The following CCDC33 variants were observed in gnomAD, a reference collection of about 807,000 sequenced individuals.
The protein encoded by CCDC33 is coiled-coil domain containing 33, also known as coiled-coil domain-containing protein 33.
A neutral mutation model predicts 91.9 loss-of-function variants in CCDC33; 94 were observed. That is an observed-to-expected ratio of 1.02 (90% confidence interval 0.87 to 1.21). The LOEUF is 1.21. CCDC33 is among the 50% of genes most tolerant of loss of function. CCDC33 has a pLI of 0.00. For synonymous variants in CCDC33, 396 were observed against 374.5 expected (o/e 1.06, Z -0.66); for missense variants, 940 against 935.5 (o/e 1.00, Z -0.06).
In CCDC33 at chr15:74,281,817, G is replaced by A. The variant is rs373900085; in HGVS notation, c.1063G>A (p.Val355Met). 2.4e-5 allele frequency: 39 copies of A among 1,614,098 alleles called. No individual in the cohort carries two copies. In the East Asian group the frequency reaches 4.2e-4, roughly 18 times the overall value. ...AACTATCAATGATGAGGCCCCCACA[G>A]TGGCTCTCTCCTTCCAGCTGCTTTC... ...LKTINDEAPTVALSFQLLSSE... is the reference protein window; with the variant it reads ...LKTINDEAPTMALSFQLLSSE... The change falls in exon 10 of 19, where the codon GTG becomes ATG. Residue 355 changes from valine to methionine, a missense_variant. Transcript: ENST00000398814.
At chr15:74,206,150 G>C (rs1198354975) in intron 1 of CCDC33, among the ~76,000 whole-genome samples, 1 of 152,198 alleles carries the variant, frequency 6.6e-6, no homozygotes, top group Non-Finnish European at 1.5e-5. Flanking sequence ...GTAACCAGTT[G>C]TAACAAGAAG....
Position 74,244,283 on chromosome 15 carries a change from G to A in CCDC33, c.185+135G>A. ...ATACCCAGAGGGGAGGAGCTGCTGT[G>A]GGCACTACCTGGCATCTCCGCTGCT... On this transcript the variant is annotated intron_variant, in intron 2 of 18. Coordinates refer to ENST00000398814, the MANE Select transcript of CCDC33 (RefSeq NM_025055.5). This position sits in a 1 kb window ranked among gnomAD's most constrained non-coding sequence, Gnocchi z 4.2. The A allele has an allele frequency of 8.5e-7, 1 of 1,176,476 alleles. No homozygotes were observed. Among genetic ancestry groups the A allele is most frequent in the Non-Finnish European group, 1.2e-6 (1 of 862,548 alleles). The allele number at this position is 1,176,476 out of a possible 1,614,324, so 72.9% of individuals were successfully genotyped here.
chr15:74,260,846 A>G (rs2076004342), intron 2 of CCDC33, among the ~76,000 whole-genome samples: 1 of 152,214 alleles, frequency 6.6e-6, no homozygotes, highest in South Asian at 2.1e-4. Context: ...CTATGGGGTA[A>G]TAACAGGAAT....
In CCDC33 at chr15:74,332,837, G is replaced by T; in HGVS notation, c.1930G>T (p.Ala644Ser). The change falls in exon 16 of 19, where the codon GCC (alanine) becomes TCC (serine). Residue 644 changes from alanine to serine, a missense_variant. Transcript: ENST00000398814. The part of the protein sequence containing the change: ...QQAPIILQQQ[A>S]LPDLLSGTSD... ...GGCCCCCATCATTCTGCAGCAACAG[G>T]CCCTGCCGGTAAGAGGCCCTTGACC... 1 of 1,613,622 alleles carries T rather than the reference G, an allele frequency of 6.2e-7. No individual in the cohort carries two copies.
At position 74,286,741 on chromosome 15, in the gene CCDC33, A is replaced by G. The variant is rs140143079; in HGVS notation, c.1095+4892A>G. On this transcript the variant is annotated intron_variant, in intron 10 of 18. Transcript: ENST00000398814. ...AGTAGGGCCTCTCAGATGGGTGGCC[A>G]CACCCTCCTCAGCCCACAGCCCACA... 7.1e-3 allele frequency among the ~76,000 whole-genome samples: 1,080 copies of G among 152,192 alleles called. 14 individuals carry two copies. The highest frequency in any genetic ancestry group is 0.025 in the African/African-American group (1,032 of 41,516).
chr15:74,305,447 C>T (rs1048455163), intron 11 of CCDC33, among the ~76,000 whole-genome samples: 2 of 152,114 alleles, frequency 1.3e-5, no homozygotes, highest in African/African-American at 4.8e-5. Flanking sequence ...TAGAGAAAGC[C>T]CCCCAGCCTA....
intron 8 of CCDC33, 47 bp from the exon 9 acceptor site, chr15:74,280,621 C>T (rs774051188): frequency 5.6e-6 from 8 of 1,429,606 alleles, no homozygotes; most frequent in Non-Finnish European, 4.6e-6. Context: ...AGGATGGGGC[C>T]GAGGTGGGGG....
intron 2 of CCDC33, among the ~76,000 whole-genome samples, chr15:74,257,901 G>C (rs1244654417): frequency 2.0e-5 from 3 of 152,232 alleles, no homozygotes; most frequent in African/African-American, 7.2e-5. Flanking sequence ...GGCAGGCCTA[G>C]CCTATGGCCT....
At chr15:74,294,954 G>C (rs1286080382) in intron 10 of CCDC33, among the ~76,000 whole-genome samples, 1 of 152,168 alleles carries the variant, frequency 6.6e-6, no homozygotes, top group Non-Finnish European at 1.5e-5. Flanking sequence ...TGCCAAGGGA[G>C]AAGGAGGAGA....
Position 74,331,282 on chromosome 15 carries a change from G to A in CCDC33, c.1757G>A (p.Gly586Glu). 1 of 1,614,012 alleles carries A rather than the reference G, an allele frequency of 6.2e-7. No homozygotes were observed. Among genetic ancestry groups the A allele is most frequent in the African/African-American group, 1.3e-5 (1 of 75,040 alleles). ...CCCCCTCCTCTGAACAGGCAGCAGG[G>A]AAAGCCCTACACGGGTGGGTCCACA... ...SKPPPLNRQQ[G>E]KPYTGFPMLS... The change falls in exon 15 of 19, where the codon GGA (glycine) becomes GAA (glutamate). Residue 586 changes from glycine to glutamate, a missense_variant. Transcript: ENST00000398814.
chr15:74,320,842 G>A (rs1399078980), intron 11 of CCDC33, among the ~76,000 whole-genome samples: 1 of 152,122 alleles, frequency 6.6e-6, no homozygotes, highest in East Asian at 1.9e-4. Flanking sequence ...CCTGCCCTCT[G>A]GTGGTGATGA....
chr15:74,261,306 AG>A (rs1252416756), intron 2 of CCDC33, among the ~76,000 whole-genome samples: 7 of 152,212 alleles, frequency 4.6e-5, no homozygotes. Flanking sequence ...TTAAGTCTAA[AG>A]GGCAGAGGGA....
At chr15:74,224,948 T>C (rs1272858005) in intron 2 of CCDC33, among the ~76,000 whole-genome samples, 1 of 152,166 alleles carries the variant, frequency 6.6e-6, no homozygotes, top group South Asian at 2.1e-4. Context: ...GGGCCCAGAT[T>C]CCAGGTTGCA....
Position 74,208,637 on chromosome 15 carries a change from T to C in CCDC33, n.90-751T>C, listed in dbSNP as rs989916273. Among the ~76,000 whole-genome samples the C allele has an allele frequency of 3.0e-4, 45 of 152,018 alleles. 2 individuals carry two copies. Among genetic ancestry groups the C allele is most frequent in the Admixed American group, 2.6e-3 (39 of 15,264 alleles). ...CCCTGAGGGCAGCCCACCCCAGGTCTCCAAACTTACTCATCAGAATTGCTC... is the reference window on the plus strand; with the variant it reads ...CCCTGAGGGCAGCCCACCCCAGGTCCCCAAACTTACTCATCAGAATTGCTC... On this transcript the variant is annotated intron_variant and non_coding_transcript_variant, in intron 1 of 3. Transcript: ENST00000558645.
chr15:74,254,550 C>T (rs2075802151), intron 2 of CCDC33, among the ~76,000 whole-genome samples: 1 of 152,166 alleles, frequency 6.6e-6, no homozygotes, highest in African/African-American at 2.4e-5. Context: ...GCTGTGCATC[C>T]TCCACACATG....
chr15:74,335,433 C>T lies in CCDC33; in HGVS notation c.2139+345C>T, dbSNP rs2060545746. 3 of 541,452 alleles carry T rather than the reference C, an allele frequency of 5.5e-6. No individual in the cohort carries two copies. The South Asian group carries it at 7.2e-5, about 13-fold the overall frequency. The allele number at this position is 541,452 out of a possible 1,614,324, so 33.5% of individuals were successfully genotyped here. A position where few individuals can be genotyped will look rare whatever the true frequency, so the allele number is the denominator to read the frequency against. The stretch of plus-strand genomic sequence containing the variant: ...CTGGCTGCGCTCATGGGCAGAGTAG[C>T]TTGTGGCCCTACCCCCCTGAATCCA... On this transcript the variant is annotated intron_variant, in intron 18 of 18. Coordinates refer to ENST00000398814, the MANE Select transcript of CCDC33 (RefSeq NM_025055.5).
chr15:74,228,830 C>T (rs1358835621), intron 2 of CCDC33, among the ~76,000 whole-genome samples: 2 of 152,224 alleles, frequency 1.3e-5, no homozygotes, highest in Admixed American at 6.5e-5. Flanking sequence ...TGCATTAATA[C>T]GCTGCAAATG....
chr15:74,243,790 C>A, intron 1 of CCDC33, 195 bp from the exon 2 acceptor site: 1 of 656,018 alleles, frequency 1.5e-6, no homozygotes, highest in Non-Finnish European at 2.8e-6. Context: ...ACTAAAAATA[C>A]AAAAATTAGT....
chr15:74,334,850 C>G, intron 17 of CCDC33, 125 bp from the exon 18 acceptor site: 1 of 825,988 alleles, frequency 1.2e-6, no homozygotes, highest in Non-Finnish European at 2.0e-6. Flanking sequence ...GGGAAGGTGT[C>G]AAGCCCACAT....
Sources: allele counts gnomAD v4.1 joint callset (sites outside exome capture counted in the v4.1 genomes callset), GRCh38; gene constraint gnomAD v4.1.1; non-coding constraint Gnocchi (gnomAD v3.1); transcripts MANE v1.5; gene names NCBI Gene and HGNC (gene_info 2026-07-23, HGNC 2026-07-21).